LRRC7: variants seen among roughly 807,000 people sequenced by gnomAD.
LRRC7 encodes leucine rich repeat containing 7.
A neutral mutation model predicts 175.7 loss-of-function variants in LRRC7; 23 were observed. That is an observed-to-expected ratio of 0.13 (90% CI 0.09 to 0.19). The LOEUF (loss-of-function observed/expected upper bound fraction) is 0.19. LRRC7 is among the 10% of genes least tolerant of loss of function. The pLI, the probability that LRRC7 is intolerant of heterozygous loss-of-function variation, is 1.00. For missense variants in LRRC7, 1,354 were observed against 1,904.7 expected, an observed-to-expected ratio of 0.71 and a Z score of 5.38; for synonymous variants, 685 against 680.9, an observed-to-expected ratio of 1.01 and a Z score of -0.09.
chr1:69,930,062 A>G (rs1647231024), intron 7 of LRRC7, among the ~76,000 whole-genome samples: 1 of 127,716 alleles, frequency 7.8e-6, no homozygotes, highest in African/African-American at 2.4e-5. Context: ...TTAAATCCTT[A>G]TATGAATTCT....
chr1:69,986,113 A>G (rs973664289), intron 9 of LRRC7, 129 bp from the exon 10 acceptor site: 7 of 826,488 alleles, frequency 8.5e-6, no homozygotes, highest in African/African-American at 1.7e-5. Context: ...ATTCCTCCAC[A>G]TTCTTGCCAA....
At chr1:69,678,717 T>C (rs983351939) in intron 2 of LRRC7, among the ~76,000 whole-genome samples, 2 of 152,158 alleles carry the variant, frequency 1.3e-5, no homozygotes, top group African/African-American at 4.8e-5. Flanking sequence ...AAGTTCCATG[T>C]TCAAATGAGA....
At chr1:69,853,424 A>G (rs1036349383) in intron 7 of LRRC7, among the ~76,000 whole-genome samples, 1 of 151,462 alleles carries the variant, frequency 6.6e-6, no homozygotes, top group African/African-American at 2.4e-5. Context: ...GACTACAGGC[A>G]TGTGCCACCA....
At chr1:69,607,983 G>C (rs1265056221) in intron 1 of LRRC7, 2 of 152,354 alleles carry the variant, frequency 1.3e-5, no homozygotes, top group Non-Finnish European at 2.9e-5. Context: ...TCCTGGTTTT[G>C]AGCACGATCT....
At chr1:69,645,316 A>G (rs1333787661) in intron 1 of LRRC7, among the ~76,000 whole-genome samples, 1 of 152,104 alleles carries the variant, frequency 6.6e-6, no homozygotes, top group Non-Finnish European at 1.5e-5. Flanking sequence ...TTAAAACTGC[A>G]TTAACTGTAG....
At chr1:69,825,180 T>A (rs1387914873) in intron 4 of LRRC7, among the ~76,000 whole-genome samples, 4 of 152,070 alleles carry the variant, frequency 2.6e-5, no homozygotes, top group African/African-American at 9.7e-5. Flanking sequence ...CTTCACACTT[T>A]CAGGCAGATG....
Position 69,663,397 on chromosome 1 carries a change from A to G in LRRC7, c.3-14984A>G, listed in dbSNP as rs1467159865. ...TATGGGTTACATGAGATATTTTGAT[A>G]CCGGCATGCAATGCATACAAATGAT... On this transcript the variant is annotated intron_variant, in intron 1 of 26. Transcript: ENST00000651989. Among the ~76,000 whole-genome samples, 5 of 152,318 alleles carry G rather than the reference A, an allele frequency of 3.3e-5. No individual in the cohort carries two copies. The South Asian group carries it at 8.3e-4, about 25-fold the overall frequency.
chr1:69,663,700 ATTTTTTTTTTTTTT>A (rs552339451), intron 1 of LRRC7, among the ~76,000 whole-genome samples: 7 of 67,726 alleles, frequency 1.0e-4, no homozygotes, highest in Admixed American at 6.6e-4. Flanking sequence ...AATCGTTTTA[ATTTTTTTTTTTTTT>A]TTTTTTTTTT....
chr1:69,833,542 A>G (rs1011415685), intron 5 of LRRC7, among the ~76,000 whole-genome samples: 5 of 152,154 alleles, frequency 3.3e-5, no homozygotes, highest in African/African-American at 1.2e-4. Flanking sequence ...AAATGCAAAT[A>G]TTATATGTAT....
chr1:69,661,040 A>G lies in LRRC7; in HGVS notation c.3-17341A>G, dbSNP rs975101007. Among the ~76,000 whole-genome samples, 10 of 152,138 alleles carry G rather than the reference A, an allele frequency of 6.6e-5. No homozygotes were observed. The East Asian group carries it at 1.9e-3, about 29-fold the overall frequency. ...AGAAGATAGCCAAAAAGAAAAAAGA[A>G]AAGTCCTTGGCCATGTTTGGGGTAA... On this transcript the variant is annotated intron_variant, in intron 1 of 26. Coordinates refer to ENST00000651989, the MANE Select transcript of LRRC7 (RefSeq NM_001370785.2).
chr1:69,672,688 G>C (rs913564145), intron 1 of LRRC7, among the ~76,000 whole-genome samples: 11 of 152,212 alleles, frequency 7.2e-5, no homozygotes, highest in African/African-American at 2.4e-4. Context: ...CCTCCATCAA[G>C]TGTAAATCTA....
chr1:70,038,952 A>G lies in LRRC7; in HGVS notation c.3128A>G (p.Asp1043Gly). 6.2e-7 allele frequency: 1 copy of G among 1,614,076 alleles called. No individual in the cohort carries two copies. The highest frequency in any genetic ancestry group is 8.5e-7 in the Non-Finnish European group (1 of 1,180,006). ...SRSQSVPMLD[D>G]EMLTYGSSKG... ...AGCCAGTCAGTCCCAATGCTGGATGATGAGATGCTCACCTACGGAAGTAGT... is the reference window on the plus strand; with the variant it reads ...AGCCAGTCAGTCCCAATGCTGGATGGTGAGATGCTCACCTACGGAAGTAGT... The change falls in exon 21 of 27, where the codon GAT becomes GGT. Residue 1043 changes from aspartate (D) to glycine (G), a missense_variant. Asp to Gly is a moderately conservative substitution (Grantham distance 94). Around this residue, in one of 4 missense-constraint regions of LRRC7, gnomAD observed 1,032 missense variants for 1,227.2 expected, o/e 0.84. Coordinates refer to ENST00000651989, the MANE Select transcript of LRRC7 (RefSeq NM_001370785.2).
intron 14 of LRRC7, among the ~76,000 whole-genome samples, chr1:70,017,457 A>G (rs1657064476): frequency 6.6e-6 from 1 of 152,166 alleles, no homozygotes; most frequent in South Asian, 2.1e-4. Context: ...TGCCTACAGA[A>G]GAACTAATGA....
At chr1:69,672,294 T>C (rs1400329581) in intron 1 of LRRC7, among the ~76,000 whole-genome samples, 1 of 152,198 alleles carries the variant, frequency 6.6e-6, no homozygotes, top group Non-Finnish European at 1.5e-5. Context: ...TCCTCAGTCA[T>C]ACTAGCCACA....
chr1:69,888,266 C>G (rs373946397), intron 7 of LRRC7, among the ~76,000 whole-genome samples: 2 of 152,138 alleles, frequency 1.3e-5, no homozygotes, highest in Admixed American at 6.5e-5. Context: ...TAGCAATCAG[C>G]GAGACTCTGT....
chr1:69,820,063 C>T (rs907254809), intron 4 of LRRC7, among the ~76,000 whole-genome samples: 1 of 151,698 alleles, frequency 6.6e-6, no homozygotes. Flanking sequence ...TTACTATTAC[C>T]ATTTTGTTGA....
At chr1:69,955,240 C>T (rs750734846) in intron 8 of LRRC7, among the ~76,000 whole-genome samples, 1 of 151,938 alleles carries the variant, frequency 6.6e-6, no homozygotes, top group South Asian at 2.1e-4. Flanking sequence ...AGTTCATAGT[C>T]TAGTGAGGAA....
chr1:69,839,691 T>C (rs531856826), intron 7 of LRRC7, among the ~76,000 whole-genome samples: 1 of 152,196 alleles, frequency 6.6e-6, no homozygotes, highest in South Asian at 2.1e-4. Flanking sequence ...GGAAAAAATA[T>C]TGAGTATGCA....
intron 8 of LRRC7, among the ~76,000 whole-genome samples, chr1:69,948,993 A>G (rs1649637979): frequency 6.6e-6 from 1 of 152,172 alleles, no homozygotes; most frequent in Admixed American, 6.6e-5. Flanking sequence ...CTAAGCCGTA[A>G]CTGTCTAGAA....
Sources: allele counts gnomAD v4.1 joint callset (sites outside exome capture counted in the v4.1 genomes callset), GRCh38; gene constraint gnomAD v4.1.1; regional missense constraint gnomAD v4.1.1; transcripts MANE v1.5; gene names NCBI Gene and HGNC (gene_info 2026-07-23, HGNC 2026-07-21).